Variants in JMJD1C observed in about 807,000 individuals in gnomAD.
The protein encoded by JMJD1C is jumonji domain containing 1C.
JMJD1C carries 31 observed loss-of-function variants against 245.3 expected under a neutral mutation model. The ratio of observed to expected loss-of-function variants is 0.13; its 90% CI spans 0.09 to 0.17. The LOEUF (loss-of-function observed/expected upper bound fraction) is 0.17, where lower values mean the gene tolerates loss of function less well. JMJD1C is among the 10% of genes least tolerant of loss of function. The pLI, the probability that JMJD1C is intolerant of heterozygous loss-of-function variation, is 1.00. For synonymous variants in JMJD1C, 1,057 were observed against 1,017.4 expected (o/e 1.04, Z -0.74); for missense variants, 2,691 against 3,000.2 (o/e 0.90, Z 2.41).
At chr10:63,395,901 A>C (rs1446593295) in intron 1 of JMJD1C, among the ~76,000 whole-genome samples, 3 of 152,154 alleles carry the variant, frequency 2.0e-5, no homozygotes, top group Admixed American at 2.0e-4. Flanking sequence ...AAGAAAATCT[A>C]ATGTTCAGAG....
intron 4 of JMJD1C, among the ~76,000 whole-genome samples, chr10:63,218,364 T>C (rs1027898662): frequency 2.0e-5 from 3 of 152,118 alleles, no homozygotes; most frequent in Admixed American, 6.5e-5. Flanking sequence ...ACCTGTAAAT[T>C]AAATACTTTC....
At chr10:63,446,198 G>C (rs1951711865) in intron 1 of JMJD1C, among the ~76,000 whole-genome samples, 1 of 152,078 alleles carries the variant, frequency 6.6e-6, no homozygotes, top group African/African-American at 2.4e-5. Flanking sequence ...ATGTTTTATA[G>C]ATAGAACCAA....
At chr10:63,275,222 A>G (rs1299835731) in intron 2 of JMJD1C, among the ~76,000 whole-genome samples, 2 of 152,214 alleles carry the variant, frequency 1.3e-5, no homozygotes, top group African/African-American at 2.4e-5. Context: ...TGATTTTTAC[A>G]TCATAAGATG....
chr10:63,256,391 A>C (rs1305816621), intron 3 of JMJD1C, among the ~76,000 whole-genome samples: 1 of 152,222 alleles, frequency 6.6e-6, no homozygotes, highest in Non-Finnish European at 1.5e-5. Flanking sequence ...AAAATCATAT[A>C]GGTAGGTAAT....
At chr10:63,336,490 C>T (rs10822159) in intron 2 of JMJD1C, among the ~76,000 whole-genome samples, 58,443 of 151,982 alleles carry the variant, frequency 0.38, 11,620 homozygotes, top group South Asian at 0.5. Context: ...AAACTACTTA[C>T]CCAGATTTCA....
At chr10:63,171,878 T>A (rs1439300996) in intron 24 of JMJD1C, among the ~76,000 whole-genome samples, 2 of 152,372 alleles carry the variant, frequency 1.3e-5, no homozygotes, top group Non-Finnish European at 2.9e-5. Context: ...CCTAAACAGG[T>A]TGTAAGTAAT....
chr10:63,436,926 T>C (rs1268105527), intron 1 of JMJD1C, among the ~76,000 whole-genome samples: 5 of 152,152 alleles, frequency 3.3e-5, no homozygotes, highest in African/African-American at 1.2e-4. Context: ...TTTTTCACAT[T>C]CAAGTTCCCC....
At chr10:63,376,117 C>T (rs1589617592) in intron 2 of JMJD1C, among the ~76,000 whole-genome samples, 2 of 152,182 alleles carry the variant, frequency 1.3e-5, no homozygotes, top group South Asian at 4.2e-4. Context: ...GAATAGAAAG[C>T]CCAGAAACAA....
chr10:63,473,801 G>A (rs1042464637), intron 1 of JMJD1C, among the ~76,000 whole-genome samples: 1 of 151,844 alleles, frequency 6.6e-6, no homozygotes, highest in Admixed American at 6.6e-5. Flanking sequence ...CCAGCACTTT[G>A]GGAGGCCAAG....
intron 1 of JMJD1C, among the ~76,000 whole-genome samples, chr10:63,414,025 C>CA (rs1949652767): frequency 7.1e-6 from 1 of 141,306 alleles, no homozygotes; most frequent in South Asian, 2.2e-4. Context: ...CTTGCACTGT[C>CA]GACCAGGCTG....
intron 2 of JMJD1C, among the ~76,000 whole-genome samples, chr10:63,285,986 C>G (rs892664410): frequency 7.9e-5 from 12 of 152,046 alleles, no homozygotes; most frequent in African/African-American, 2.9e-4. Context: ...ATTCAAGGAC[C>G]TGTTGTAATT....
chr10:63,388,646 G>T (rs955606826), intron 1 of JMJD1C, among the ~76,000 whole-genome samples: 1 of 151,912 alleles, frequency 6.6e-6, no homozygotes, highest in South Asian at 2.1e-4. Context: ...AGAGAGAAAG[G>T]AACAATGAAT....
intron 2 of JMJD1C, among the ~76,000 whole-genome samples, chr10:63,353,708 T>C (rs1260083394): frequency 6.6e-6 from 1 of 151,714 alleles, no homozygotes; most frequent in Non-Finnish European, 1.5e-5. Context: ...GGTTTAACCA[T>C]ATTGGCCAGG....
At chr10:63,325,947 C>T (rs191284537) in intron 2 of JMJD1C, among the ~76,000 whole-genome samples, 1 of 152,212 alleles carries the variant, frequency 6.6e-6, no homozygotes, top group Non-Finnish European at 1.5e-5. Context: ...ACTGCTAAAT[C>T]CATCATAGCA....
intron 20 of JMJD1C, 141 bp from the exon 21 acceptor site, chr10:63,184,879 C>A: frequency 1.4e-6 from 1 of 725,130 alleles, no homozygotes; most frequent in Non-Finnish European, 2.2e-6. Context: ...TCAAGTGATA[C>A]TGACTAAAAT....
intron 1 of JMJD1C, among the ~76,000 whole-genome samples, chr10:63,464,487 T>C (rs1953041880): frequency 6.6e-6 from 1 of 152,132 alleles, no homozygotes; most frequent in Non-Finnish European, 1.5e-5. Context: ...AGTAAATGGC[T>C]CAGGGCATTA....
rs376201943 is a variant in JMJD1C, at chr10:63,204,517, C to G, written c.5074+2078G>C. On this transcript the variant is annotated intron_variant, in intron 10 of 25. Coordinates refer to ENST00000399262, the MANE Select transcript of JMJD1C (RefSeq NM_032776.3). ...TTGTTTTTGTTTTTTAAGTTTTACT[C>G]AAGTATCTGAACACCCAACACCAAA... 1.9e-5 allele frequency: 19 copies of G among 985,336 alleles called. 1 individual carries two copies. The South Asian group carries it at 5.2e-4, about 27-fold the overall frequency. The allele number at this position is 985,336 out of a possible 1,614,324, so 61.0% of individuals were successfully genotyped here.
At chr10:63,373,521 C>A (rs1946478129) in intron 2 of JMJD1C, among the ~76,000 whole-genome samples, 1 of 152,140 alleles carries the variant, frequency 6.6e-6, no homozygotes, top group South Asian at 2.1e-4. Context: ...AAGAGGTAGA[C>A]AAGATAACGT....
At chr10:63,337,239 T>G (rs1405475564) in intron 2 of JMJD1C, among the ~76,000 whole-genome samples, 1 of 150,878 alleles carries the variant, frequency 6.6e-6, no homozygotes, top group East Asian at 2.0e-4. Context: ...ACTGGGCACT[T>G]GAGACCAGCC....
Sources: gnomAD v4.1 joint callset for allele counts (sites outside exome capture counted in the v4.1 genomes callset) on GRCh38, gnomAD v4.1.1 for gene constraint, MANE v1.5 for transcripts, NCBI Gene and HGNC (gene_info 2026-07-23, HGNC 2026-07-21) for gene names.